The following EPG5 variants were observed in gnomAD, a reference collection of about 807,000 sequenced individuals.
The protein encoded by EPG5 is ectopic P-granules 5 autophagy tethering factor, also known as ectopic P granules protein 5 homolog.
In EPG5, 159 loss-of-function variants were observed where a neutral mutation model predicts 302.7. The ratio of observed to expected loss-of-function variants is 0.53; its 90% CI spans 0.46 to 0.60. The LOEUF is 0.60. Among genes scored for constraint, EPG5 ranks in the 20% least tolerant of loss-of-function variants. The pLI, the probability that EPG5 is intolerant of heterozygous loss-of-function variation, is 0.00. For synonymous variants in EPG5, 1,158 were observed against 1,136.8 expected, an observed-to-expected ratio of 1.02 and a Z score of -0.37; for missense variants, 2,896 against 3,092.4, an observed-to-expected ratio of 0.94 and a Z score of 1.51.
intron 10 of EPG5, among the ~76,000 whole-genome samples, chr18:45,936,020 G>T (rs1023306377): frequency 6.6e-6 from 1 of 152,152 alleles, no homozygotes; most frequent in African/African-American, 2.4e-5. Context: ...ACACTGTAGT[G>T]GCAGAAAAAC....
At position 45,852,657 on chromosome 18, in the gene EPG5, A is replaced by T; in HGVS notation, c.7558-8T>A. ...TTCAAGAGCATTCAGAGCCTAAAAG[A>T]CACGGAAGATGAGAGGGTTAACTCC... On this transcript the variant is annotated splice_region_variant and splice_polypyrimidine_tract_variant and intron_variant, in intron 43 of 43. Transcript: ENST00000282041. 1 of 1,613,152 alleles carries T rather than the reference A, an allele frequency of 6.2e-7. No homozygotes were observed. The highest frequency in any genetic ancestry group is 8.5e-7 in the Non-Finnish European group (1 of 1,179,510).
chr18:45,936,539 C>A (rs1416280274), intron 10 of EPG5, among the ~76,000 whole-genome samples: 2 of 151,850 alleles, frequency 1.3e-5, no homozygotes, highest in Admixed American at 6.6e-5. Flanking sequence ...ACCAGCTTGG[C>A]CAATATAGTG....
At chr18:45,949,890 A>T (rs545707567) in intron 4 of EPG5, among the ~76,000 whole-genome samples, 5 of 152,356 alleles carry the variant, frequency 3.3e-5, no homozygotes, top group African/African-American at 1.2e-4. Context: ...ATCTATTCTT[A>T]GTTTGTAATG....
At position 45,867,560 on chromosome 18, in the gene EPG5, T is replaced by C; in HGVS notation, c.6411+3A>G. 1 of 1,612,544 alleles carries C rather than the reference T, an allele frequency of 6.2e-7. No homozygotes were observed. The highest frequency in any genetic ancestry group is 1.1e-5 in the South Asian group (1 of 91,022). On this transcript the variant is annotated splice_donor_region_variant and intron_variant, in intron 37 of 43. Coordinates refer to ENST00000282041, the MANE Select transcript of EPG5 (RefSeq NM_020964.3). Reference sequence around the variant, plus strand: ...ATTTTTGCCATAAGCTTCCCAAACTTACTGTTTGGTCTACCAGTTGAACTT... The same window carrying C: ...ATTTTTGCCATAAGCTTCCCAAACTCACTGTTTGGTCTACCAGTTGAACTT...
intron 26 of EPG5, among the ~76,000 whole-genome samples, chr18:45,900,534 A>T (rs2049589375): frequency 6.6e-6 from 1 of 152,244 alleles, no homozygotes. Context: ...TCAAAACCTT[A>T]AATGGTTGAT....
the EPG5 span, among the ~76,000 whole-genome samples, chr18:45,836,105 C>T: frequency 4.6e-5 from 7 of 152,284 alleles, no homozygotes; most frequent in East Asian, 5.8e-4. Flanking sequence ...GGTCTGCCAG[C>T]GATGGGTTAG....
At position 45,899,395 on chromosome 18, in the gene EPG5, AAC is replaced by A. The variant is rs1172911607; in HGVS notation, c.4809+7_4809+8del. 6.2e-7 allele frequency: 1 copy of A among 1,613,840 alleles called. No homozygotes were observed. Reference sequence around the variant, plus strand: ...ATTCTCTCAGTTCTGAAGAAATTTAAACACTTACCTGAACCGTGACAACTGCG... The same window carrying A: ...ATTCTCTCAGTTCTGAAGAAATTTAAACTTACCTGAACCGTGACAACTGCG... On this transcript the variant is annotated splice_region_variant and intron_variant, in intron 27 of 43. Transcript: ENST00000282041.
intron 39 of EPG5, among the ~76,000 whole-genome samples, chr18:45,861,289 T>C (rs1198743536): frequency 6.6e-6 from 1 of 152,256 alleles, no homozygotes; most frequent in African/African-American, 2.4e-5. Context: ...TATTTCTTCA[T>C]GTATTTCTAT....
the EPG5 span, among the ~76,000 whole-genome samples, chr18:45,830,515 C>T: frequency 6.6e-6 from 1 of 151,472 alleles, no homozygotes; most frequent in Admixed American, 6.6e-5. Flanking sequence ...GGCATGGATG[C>T]TACTTTCAGG....
At chr18:45,818,257 T>A in the EPG5 span, among the ~76,000 whole-genome samples, 6 of 39,266 alleles carry the variant, frequency 1.5e-4, no homozygotes, top group African/African-American at 2.3e-4. Context: ...GAAGATTTTA[T>A]TTTTTTTTTT....
In EPG5 at chr18:45,847,621, G is replaced by A. The variant is rs2048375815; in HGVS notation, c.*4846C>T. On this transcript the variant is annotated 3_prime_UTR_variant, in exon 44 of 44. Coordinates refer to ENST00000282041, the MANE Select transcript of EPG5 (RefSeq NM_020964.3). Reference sequence around the variant, plus strand: ...GGCCCGCCATGTGTAAATTAAATTCGAATCTAGTTTATTTGCAGAATTTTA... The same window carrying A: ...GGCCCGCCATGTGTAAATTAAATTCAAATCTAGTTTATTTGCAGAATTTTA... The A allele has an allele frequency of 1.3e-5, 2 of 152,424 alleles. No homozygotes were observed. The highest frequency in any genetic ancestry group is 2.1e-4 in the South Asian group (1 of 4,830). The allele number at this position is 152,424 out of a possible 1,614,324, so 9.4% of individuals were successfully genotyped here. A position where few individuals can be genotyped will look rare whatever the true frequency, so the allele number is the denominator to read the frequency against.
the EPG5 span, among the ~76,000 whole-genome samples, chr18:45,820,343 T>C: frequency 6.6e-6 from 1 of 152,160 alleles, no homozygotes; most frequent in African/African-American, 2.4e-5. Context: ...TGTCATGTAT[T>C]AGGAAATGTT....
intron 27 of EPG5, among the ~76,000 whole-genome samples, chr18:45,896,308 T>C (rs1214630623): frequency 6.6e-6 from 1 of 152,202 alleles, no homozygotes; most frequent in Non-Finnish European, 1.5e-5. Context: ...CAGTGAGGGA[T>C]CTCAAGCTTG....
chr18:45,865,861 G>C, intron 38 of EPG5, 102 bp from the exon 39 acceptor site: 2 of 1,295,758 alleles, frequency 1.5e-6, no homozygotes, highest in Non-Finnish European at 2.1e-6. Flanking sequence ...GCTTGGGTAG[G>C]GAGTAGAGGG....
chr18:45,839,803 C>T, the EPG5 span, among the ~76,000 whole-genome samples: 1 of 152,190 alleles, frequency 6.6e-6, no homozygotes, highest in Non-Finnish European at 1.5e-5. Flanking sequence ...GATCAGAAAT[C>T]TGCCCTGTGC....
chr18:45,839,661 G>A, the EPG5 span, among the ~76,000 whole-genome samples: 1 of 152,076 alleles, frequency 6.6e-6, no homozygotes, highest in African/African-American at 2.4e-5. Context: ...AAGCCGTGCT[G>A]GGAGAGCTAA....
chr18:45,806,418 C>A, the EPG5 span, among the ~76,000 whole-genome samples: 1 of 152,020 alleles, frequency 6.6e-6, no homozygotes, highest in Non-Finnish European at 1.5e-5. Flanking sequence ...AATTTTTGCT[C>A]CAGAATGACT....
intron 39 of EPG5, among the ~76,000 whole-genome samples, chr18:45,865,370 A>G (rs1361422461): frequency 6.6e-6 from 1 of 152,144 alleles, no homozygotes; most frequent in Non-Finnish European, 1.5e-5. Flanking sequence ...AAGGTCTCTG[A>G]TATCTCCTAA....
the EPG5 span, among the ~76,000 whole-genome samples, chr18:45,811,027 G>A: frequency 1.3e-5 from 2 of 152,022 alleles, no homozygotes; most frequent in African/African-American, 4.8e-5. Context: ...ATGTAATAAA[G>A]GCCATCTATG....
Sources: allele counts gnomAD v4.1 joint callset (sites outside exome capture counted in the v4.1 genomes callset), GRCh38; gene constraint gnomAD v4.1.1; transcripts MANE v1.5; gene names NCBI Gene and HGNC (gene_info 2026-07-23, HGNC 2026-07-21).